Variants in RIMS2 observed in about 807,000 individuals in gnomAD.
The protein encoded by RIMS2 is regulating synaptic membrane exocytosis 2.
Under a neutral mutation model 174.4 loss-of-function variants are expected in RIMS2, and 59 were observed. The observed-to-expected ratio is 0.34, with a 90% CI of 0.27 to 0.42. The LOEUF (loss-of-function observed/expected upper bound fraction) is 0.42, where lower values mean the gene tolerates loss of function less well. RIMS2 is among the 10% of genes least tolerant of loss of function. RIMS2 has a pLI of 1.00. For missense variants in RIMS2, 1,620 were observed against 1,666.3 expected (o/e 0.97, Z 0.48); for synonymous variants, 606 against 572.5 (o/e 1.06, Z -0.84).
intron 1 of RIMS2, among the ~76,000 whole-genome samples, chr8:103,643,451 C>G (rs77398579): frequency 6.6e-6 from 1 of 151,920 alleles, no homozygotes; most frequent in Non-Finnish European, 1.5e-5. Context: ...ACTTAGAATG[C>G]CTTGTAATTT....
intron 19 of RIMS2, among the ~76,000 whole-genome samples, chr8:104,176,671 A>G (rs1208991234): frequency 1.3e-5 from 2 of 151,034 alleles, no homozygotes; most frequent in Admixed American, 6.6e-5. Flanking sequence ...ATATATAATC[A>G]TATATTTTCA....
chr8:103,549,277 A>G (rs1183379914), intron 1 of RIMS2, among the ~76,000 whole-genome samples: 1 of 152,210 alleles, frequency 6.6e-6, no homozygotes, highest in Non-Finnish European at 1.5e-5. Flanking sequence ...ATCTCTTGGC[A>G]GAAATTCTAC....
intron 2 of RIMS2, among the ~76,000 whole-genome samples, chr8:103,758,019 G>A (rs2098049555): frequency 6.6e-6 from 1 of 152,136 alleles, no homozygotes; most frequent in Non-Finnish European, 1.5e-5. Context: ...TACATTTCTT[G>A]TTGTTTTAAG....
chr8:103,993,600 A>T (rs1202537007), intron 17 of RIMS2, among the ~76,000 whole-genome samples: 1 of 152,254 alleles, frequency 6.6e-6, no homozygotes, highest in East Asian at 1.9e-4. Context: ...TGAAAAAAGA[A>T]AATTCACTTT....
chr8:103,736,462 G>A (rs1026031021), intron 2 of RIMS2, among the ~76,000 whole-genome samples: 2 of 152,126 alleles, frequency 1.3e-5, no homozygotes, highest in Admixed American at 1.3e-4. Context: ...TTCATTATGA[G>A]AAATGACTTA....
At chr8:103,501,011 C>G in exon 1 of RIMS2, 1 of 1,611,424 alleles carries the variant, frequency 6.2e-7, no homozygotes. Context: ...ATCATCCTGG[C>G]CGTCATGGAT....
rs562471593 is a variant in RIMS2 at position 103,950,282 on chromosome 8, C to T, written c.2701+7356C>T. ...CATCCAGCTCATTTTATGAAACAAA[C>T]ATTACTCTAATACCAACAACTAACA... On this transcript the variant is annotated intron_variant, in intron 14 of 23. Coordinates refer to ENST00000504942, the Ensembl canonical transcript of RIMS2. Among the ~76,000 whole-genome samples, 21 of 152,212 alleles carry T rather than the reference C, an allele frequency of 1.4e-4. No homozygotes were observed. The South Asian group carries it at 4.1e-3, about 30-fold the overall frequency.
At chr8:103,826,687 A>AAT (rs1041965379) in intron 3 of RIMS2, among the ~76,000 whole-genome samples, 6 of 148,684 alleles carry the variant, frequency 4.0e-5, no homozygotes, top group South Asian at 2.1e-4. Flanking sequence ...ATATATTTCA[A>AAT]ATATATATAT....
intron 19 of RIMS2, among the ~76,000 whole-genome samples, chr8:104,171,373 A>G (rs572577619): frequency 1.3e-5 from 2 of 151,910 alleles, no homozygotes; most frequent in African/African-American, 4.8e-5. Context: ...GATTGGATTA[A>G]TTCAAAAGCC....
At chr8:104,200,340 A>G (rs972227243) in intron 19 of RIMS2, among the ~76,000 whole-genome samples, 2 of 152,178 alleles carry the variant, frequency 1.3e-5, no homozygotes, top group Non-Finnish European at 2.9e-5. Flanking sequence ...CAGTTCACTT[A>G]AGAGTTTTTT....
intron 3 of RIMS2, among the ~76,000 whole-genome samples, chr8:103,783,525 G>T (rs2098412380): frequency 5.9e-5 from 9 of 151,270 alleles, no homozygotes; most frequent in Admixed American, 5.9e-4. Context: ...GTGGTGTTTG[G>T]TTTTTTGTTC....
chr8:103,509,439 G>C (rs939341550), intron 1 of RIMS2, among the ~76,000 whole-genome samples: 1 of 151,996 alleles, frequency 6.6e-6, no homozygotes, highest in Non-Finnish European at 1.5e-5. Context: ...GCTTAGCAAG[G>C]ACAAATTTCC....
chr8:104,009,893 T>G (rs935713107), intron 17 of RIMS2, among the ~76,000 whole-genome samples: 4 of 152,144 alleles, frequency 2.6e-5, no homozygotes, highest in Non-Finnish European at 4.4e-5. Flanking sequence ...ATTTCTGAGT[T>G]TTAGTATTCT....
At chr8:104,206,207 G>C (rs1035713979) in intron 19 of RIMS2, among the ~76,000 whole-genome samples, 1 of 152,266 alleles carries the variant, frequency 6.6e-6, no homozygotes, top group African/African-American at 2.4e-5. Context: ...GTCACAGAGA[G>C]GGGTTATTGA....
chr8:103,887,402 AT>A (rs1417769946), intron 4 of RIMS2, among the ~76,000 whole-genome samples: 4 of 151,566 alleles, frequency 2.6e-5, no homozygotes, highest in African/African-American at 7.3e-5. Flanking sequence ...AATTTAATGT[AT>A]CTAAACCTTT....
At chr8:104,169,796 T>A (rs527278984) in intron 19 of RIMS2, among the ~76,000 whole-genome samples, 1 of 152,226 alleles carries the variant, frequency 6.6e-6, no homozygotes, top group South Asian at 2.1e-4. Context: ...TTCAGACTTT[T>A]TGAAGTAAGC....
At chr8:103,786,761 G>A (rs1282354219) in intron 3 of RIMS2, among the ~76,000 whole-genome samples, 1 of 152,196 alleles carries the variant, frequency 6.6e-6, no homozygotes, top group Non-Finnish European at 1.5e-5. Context: ...ATTTGGGGTG[G>A]AGAGTTCTGT....
At chr8:103,783,324 G>T (rs1283876026) in intron 3 of RIMS2, among the ~76,000 whole-genome samples, 1 of 148,420 alleles carries the variant, frequency 6.7e-6, no homozygotes, top group Non-Finnish European at 1.5e-5. Flanking sequence ...CATTGTGCAG[G>T]TTAGTTACAT....
At chr8:104,225,907 T>G (rs1302762922) in intron 19 of RIMS2, among the ~76,000 whole-genome samples, 1 of 152,228 alleles carries the variant, frequency 6.6e-6, no homozygotes, top group African/African-American at 2.4e-5. Context: ...CTTAACTTTT[T>G]TCTTTGATTT....
Sources: gnomAD v4.1 joint callset for allele counts (sites outside exome capture counted in the v4.1 genomes callset) on GRCh38, gnomAD v4.1.1 for gene constraint, MANE v1.5 for transcripts, NCBI Gene and HGNC (gene_info 2026-07-23, HGNC 2026-07-21) for gene names.